ATRN: variants seen among roughly 807,000 people sequenced by gnomAD.
ATRN encodes attractin, also known as attractin-2.
ATRN carries 54 observed loss-of-function variants against 178.7 expected under a neutral mutation model. The ratio of observed to expected loss-of-function variants is 0.30; its 90% CI spans 0.24 to 0.38. ATRN has a LOEUF of 0.38. ATRN is among the 10% of genes least tolerant of loss of function. The pLI is 1.00. For missense variants in ATRN, 1,443 were observed against 1,815.1 expected (o/e 0.79, Z 3.73); for synonymous variants, 636 against 663.0 (o/e 0.96, Z 0.63).
intron 1 of ATRN, among the ~76,000 whole-genome samples, chr20:3,485,288 C>G: frequency 6.6e-6 from 1 of 152,142 alleles, no homozygotes; most frequent in Non-Finnish European, 1.5e-5. Flanking sequence ...TGACAGTTTA[C>G]TTCTAAACTG....
intron 1 of ATRN, among the ~76,000 whole-genome samples, chr20:3,510,300 G>A (rs2085107168): frequency 6.6e-6 from 1 of 152,160 alleles, no homozygotes; most frequent in South Asian, 2.1e-4. Context: ...GGGCCTGATA[G>A]TAAATATTGT....
chr20:3,639,469 T>C (rs1299985620), intron 27 of ATRN, among the ~76,000 whole-genome samples: 2 of 152,110 alleles, frequency 1.3e-5, no homozygotes, highest in African/African-American at 2.4e-5. Flanking sequence ...GCCAGGCTGG[T>C]CTCGAACTCC....
At chr20:3,595,986 G>T (rs2086523214) in intron 20 of ATRN, among the ~76,000 whole-genome samples, 1 of 152,212 alleles carries the variant, frequency 6.6e-6, no homozygotes, top group African/African-American at 2.4e-5. Context: ...TTAAAGAAGA[G>T]AATTAGTTTA....
At chr20:3,495,464 G>T (rs193043542) in intron 1 of ATRN, among the ~76,000 whole-genome samples, 18 of 152,304 alleles carry the variant, frequency 1.2e-4, no homozygotes, top group African/African-American at 4.3e-4. Context: ...CAGGGGTTTG[G>T]GTAGGGGCTT....
intron 9 of ATRN, 111 bp downstream of exon 9, chr20:3,562,570 C>T (rs1346780627): frequency 5.6e-6 from 6 of 1,078,360 alleles, no homozygotes; most frequent in Non-Finnish European, 6.8e-6. Context: ...TAATTCTGTT[C>T]GGCATTATAT....
chr20:3,610,567 ATT>A (rs35770410), intron 24 of ATRN, among the ~76,000 whole-genome samples: 10 of 93,648 alleles, frequency 1.1e-4, no homozygotes, highest in Admixed American at 1.3e-4. Context: ...TTCCAGCTGA[ATT>A]TTTTTTTTTT....
chr20:3,486,400 C>G (rs2084694264), intron 1 of ATRN, among the ~76,000 whole-genome samples: 2 of 151,262 alleles, frequency 1.3e-5, no homozygotes, highest in Non-Finnish European at 2.9e-5. Flanking sequence ...TCTTTTTTTC[C>G]TTTTTATTTT....
chr20:3,487,559 G>A (rs2084712700), intron 1 of ATRN, among the ~76,000 whole-genome samples: 2 of 152,248 alleles, frequency 1.3e-5, no homozygotes, highest in South Asian at 4.1e-4. Flanking sequence ...GTCTAATGCT[G>A]TTGTTAGTTT....
At chr20:3,521,303 C>T (rs1400691590) in intron 1 of ATRN, among the ~76,000 whole-genome samples, 3 of 151,748 alleles carry the variant, frequency 2.0e-5, no homozygotes, top group African/African-American at 7.3e-5. Flanking sequence ...TGCAACAAAC[C>T]TGCACACATA....
intron 1 of ATRN, among the ~76,000 whole-genome samples, chr20:3,483,240 GA>G (rs1041620215): frequency 6.6e-6 from 1 of 152,132 alleles, no homozygotes; most frequent in Non-Finnish European, 1.5e-5. Flanking sequence ...AGTTCTAGTG[GA>G]TTCATAGTTA....
At chr20:3,591,017 A>G in intron 18 of ATRN, 152 bp from the exon 19 acceptor site, 1 of 815,884 alleles carries the variant, frequency 1.2e-6, no homozygotes. Flanking sequence ...GATATTTTTT[A>G]TCTTATTTCT....
At chr20:3,577,113 C>G (rs1417244961) in intron 14 of ATRN, 116 bp downstream of exon 14, 1 of 1,289,736 alleles carries the variant, frequency 7.8e-7, no homozygotes, top group African/African-American at 1.5e-5. Context: ...TCTGTCCATT[C>G]ATCCCCCACA....
intron 1 of ATRN, among the ~76,000 whole-genome samples, chr20:3,496,099 C>T (rs1292874367): frequency 1.3e-5 from 2 of 152,036 alleles, no homozygotes; most frequent in African/African-American, 4.8e-5. Flanking sequence ...TTTCAAAAAA[C>T]CAGCTCCTGG....
chr20:3,527,836 C>A (rs971471947), intron 1 of ATRN, among the ~76,000 whole-genome samples: 1 of 148,208 alleles, frequency 6.7e-6, no homozygotes, highest in African/African-American at 2.5e-5. Flanking sequence ...CCAAACATTG[C>A]ATGTTTTCAC....
chr20:3,486,783 C>G (rs1387517784), intron 1 of ATRN, among the ~76,000 whole-genome samples: 2 of 152,110 alleles, frequency 1.3e-5, no homozygotes, highest in Non-Finnish European at 2.9e-5. Context: ...CGTAGTATTA[C>G]TATGATGTGC....
chr20:3,545,993 CA>C, intron 4 of ATRN, 103 bp downstream of exon 4: 1 of 1,288,850 alleles, frequency 7.8e-7, no homozygotes, highest in Non-Finnish European at 1.1e-6. Context: ...GGCATAGCGT[CA>C]GGCAGTTTAC....
intron 1 of ATRN, among the ~76,000 whole-genome samples, chr20:3,534,097 C>T (rs1249935411): frequency 6.6e-6 from 1 of 152,162 alleles, no homozygotes; most frequent in African/African-American, 2.4e-5. Context: ...CAGGCAAGTA[C>T]AGCAGAGGAA....
chr20:3,636,928 A>T (rs780436262), intron 26 of ATRN, among the ~76,000 whole-genome samples: 6 of 152,242 alleles, frequency 3.9e-5, no homozygotes, highest in African/African-American at 1.2e-4. Context: ...TTATTTTCAT[A>T]TAAAGTTATT....
chr20:3,563,690 T>A lies in ATRN; in HGVS notation c.1786+327T>A, dbSNP rs941299449. Among the ~76,000 whole-genome samples the A allele has an allele frequency of 1.1e-4, 17 of 152,342 alleles. No individual in the cohort carries two copies. In the Middle Eastern group the frequency reaches 0.01, roughly 91 times the overall value. On this transcript the variant is annotated intron_variant, in intron 10 of 28. Transcript: ENST00000262919. The stretch of plus-strand genomic sequence containing the variant: ...CCACCAGCATTGTGTTAAAATTGGT[T>A]CACGTATTAGCTTTATCTCATTCCC...
Sources: gnomAD v4.1 joint callset for allele counts (sites outside exome capture counted in the v4.1 genomes callset) on GRCh38, gnomAD v4.1.1 for gene constraint, MANE v1.5 for transcripts, NCBI Gene and HGNC (gene_info 2026-07-23, HGNC 2026-07-21) for gene names.